Variants in RABGAP1L observed in about 807,000 individuals in gnomAD.
The protein encoded by RABGAP1L is RAB GTPase activating protein 1 like, also known as rab GTPase-activating protein 1-like.
In RABGAP1L, 63 loss-of-function variants were observed where a neutral mutation model predicts 137.7. The ratio of observed to expected loss-of-function variants is 0.46; its 90% confidence interval spans 0.37 to 0.56. The LOEUF is 0.56. Ranked by LOEUF, RABGAP1L falls within the 20% of genes least tolerant of loss-of-function variation. RABGAP1L has a pLI of 0.00. For missense variants in RABGAP1L, 1,095 were observed against 1,244.0 expected (o/e 0.88, Z 1.80); for synonymous variants, 431 against 433.7 (o/e 0.99, Z 0.08).
intron 19 of RABGAP1L, among the ~76,000 whole-genome samples, chr1:174,891,558 A>G (rs1321973843): frequency 6.6e-6 from 1 of 152,170 alleles, no homozygotes; most frequent in African/African-American, 2.4e-5. Flanking sequence ...GCTCGTGTGC[A>G]GTGGTGATCA....
At chr1:174,252,358 T>C in intron 6 of RABGAP1L, 122 bp from the exon 7 acceptor site, 1 of 1,182,952 alleles carries the variant, frequency 8.5e-7, no homozygotes, top group Non-Finnish European at 1.1e-6. Flanking sequence ...GAGAGTTTAG[T>C]ATATCTTAAG....
intron 13 of RABGAP1L, among the ~76,000 whole-genome samples, chr1:174,554,193 G>A (rs1023219036): frequency 1.3e-5 from 2 of 152,088 alleles, no homozygotes; most frequent in African/African-American, 4.8e-5. Context: ...TCAAATATAA[G>A]TACTTTTGCA....
chr1:174,419,903 T>G (rs975071892), intron 13 of RABGAP1L, among the ~76,000 whole-genome samples: 8 of 152,196 alleles, frequency 5.3e-5, no homozygotes, highest in African/African-American at 1.9e-4. Context: ...TCCGGCTGCT[T>G]CTTTAACTTT....
At chr1:174,799,012 TG>T (rs990264181) in intron 18 of RABGAP1L, among the ~76,000 whole-genome samples, 6 of 152,220 alleles carry the variant, frequency 3.9e-5, no homozygotes, top group Admixed American at 3.9e-4. Context: ...TTTATATTAC[TG>T]GGGAAGGATT....
intron 1 of RABGAP1L, among the ~76,000 whole-genome samples, chr1:174,210,038 AC>A (rs1450859645): frequency 6.6e-6 from 1 of 152,202 alleles, no homozygotes; most frequent in East Asian, 1.9e-4. Context: ...CCACAGTGTT[AC>A]TGGGTTTGGA....
chr1:174,213,620 C>G (rs1306592997), intron 1 of RABGAP1L, among the ~76,000 whole-genome samples: 1 of 152,076 alleles, frequency 6.6e-6, no homozygotes, highest in African/African-American at 2.4e-5. Flanking sequence ...TTAGAAAGAT[C>G]AAATTGATCA....
At chr1:174,424,620 T>G (rs1415514615) in intron 13 of RABGAP1L, among the ~76,000 whole-genome samples, 3 of 152,086 alleles carry the variant, frequency 2.0e-5, no homozygotes, top group African/African-American at 7.2e-5. Flanking sequence ...TGCTGAGTAA[T>G]TTTAACCACA....
intron 7 of RABGAP1L, among the ~76,000 whole-genome samples, chr1:174,256,243 T>G (rs941136424): frequency 8.5e-5 from 13 of 152,198 alleles, no homozygotes; most frequent in African/African-American, 3.1e-4. Context: ...TAATATAACA[T>G]TGCCCATTTT....
intron 17 of RABGAP1L, among the ~76,000 whole-genome samples, chr1:174,702,948 G>A (rs1679767394): frequency 6.6e-6 from 1 of 151,984 alleles, no homozygotes; most frequent in East Asian, 1.9e-4. Flanking sequence ...TAGGGAATTT[G>A]CTAGATAAGA....
intron 15 of RABGAP1L, among the ~76,000 whole-genome samples, chr1:174,684,801 A>G (rs1431609137): frequency 6.6e-6 from 1 of 152,054 alleles, no homozygotes; most frequent in Non-Finnish European, 1.5e-5. Context: ...ATATAATGAG[A>G]CACCATCACT....
chr1:174,373,880 G>GT (rs1685303589), intron 12 of RABGAP1L, among the ~76,000 whole-genome samples: 1 of 152,168 alleles, frequency 6.6e-6, no homozygotes. Context: ...GGGTGGACTT[G>GT]TAGCTGATAG....
At chr1:174,977,357 G>GT (rs1670734606) in intron 22 of RABGAP1L, among the ~76,000 whole-genome samples, 1 of 152,090 alleles carries the variant, frequency 6.6e-6, no homozygotes, top group Admixed American at 6.5e-5. Flanking sequence ...AATGGGTTTT[G>GT]TTTTTTCTTT....
Position 174,743,668 on chromosome 1 carries a change from A to G in RABGAP1L, c.2170-8645A>G, listed in dbSNP as rs189578684. Among the ~76,000 whole-genome samples the G allele has an allele frequency of 2.6e-3, 399 of 152,182 alleles. 3 individuals carry two copies. The highest frequency in any genetic ancestry group is 9.2e-3 in the African/African-American group (383 of 41,486). On this transcript the variant is annotated intron_variant, in intron 17 of 25. Transcript: ENST00000681986. ...TTAAAATAAATGAATAAATAAATAA[A>G]TAATAGCAAAACTATGTTTTTTTAA... is the stretch of plus-strand genomic sequence containing the variant.
intron 19 of RABGAP1L, among the ~76,000 whole-genome samples, chr1:174,911,179 G>A (rs1239197544): frequency 4.0e-4 from 61 of 151,708 alleles, no homozygotes. Context: ...TATATATTAT[G>A]GACAGCAAAT....
chr1:174,304,911 G>A, intron 10 of RABGAP1L, 75 bp from the exon 11 acceptor site: 2 of 1,288,338 alleles, frequency 1.6e-6, no homozygotes, highest in Non-Finnish European at 2.1e-6. Context: ...TCTTTTGAAT[G>A]CATTATTTAA....
chr1:174,212,285 G>A (rs549796490), intron 1 of RABGAP1L, among the ~76,000 whole-genome samples: 4 of 152,064 alleles, frequency 2.6e-5, no homozygotes, highest in South Asian at 2.1e-4. Flanking sequence ...TGTCTCTGAC[G>A]ACAACAGAAT....
At chr1:174,918,145 T>C (rs550580555) in intron 19 of RABGAP1L, among the ~76,000 whole-genome samples, 11 of 152,212 alleles carry the variant, frequency 7.2e-5, no homozygotes, top group African/African-American at 2.6e-4. Context: ...TAATTATGTT[T>C]TGGAAAAATC....
intron 13 of RABGAP1L, among the ~76,000 whole-genome samples, chr1:174,471,316 T>A (rs777598950): frequency 1.1e-4 from 16 of 152,294 alleles, no homozygotes; most frequent in Middle Eastern, 3.4e-3. Flanking sequence ...CTCAGGCTGG[T>A]GATACAATGA....
chr1:174,677,138 A>T (rs1677691895), intron 14 of RABGAP1L, among the ~76,000 whole-genome samples: 1 of 137,734 alleles, frequency 7.3e-6, no homozygotes, highest in African/African-American at 3.0e-5. Flanking sequence ...TCTAGGCAAC[A>T]TAGTGAGACC....
Sources: allele counts gnomAD v4.1 joint callset (sites outside exome capture counted in the v4.1 genomes callset), GRCh38; gene constraint gnomAD v4.1.1; transcripts MANE v1.5; gene names NCBI Gene and HGNC (gene_info 2026-07-23, HGNC 2026-07-21).